Variants in RERE observed in about 807,000 individuals in gnomAD.
The protein encoded by RERE is arginine-glutamic acid dipeptide repeats protein.
RERE carries 40 observed loss-of-function variants against 146.1 expected under a neutral mutation model. The observed-to-expected ratio is 0.27, with a 90% CI of 0.21 to 0.36. RERE has a LOEUF of 0.36. RERE is among the 10% of genes least tolerant of loss of function. The pLI, the probability that RERE is intolerant of heterozygous loss-of-function variation, is 1.00. For missense variants in RERE, 1,933 were observed against 2,138.7 expected (o/e 0.90, Z 1.90); for synonymous variants, 1,003 against 866.0 (o/e 1.16, Z -2.78).
At chr1:8,720,344 G>A (rs1457711559) in intron 1 of RERE, among the ~76,000 whole-genome samples, 3 of 151,544 alleles carry the variant, frequency 2.0e-5, no homozygotes, top group Non-Finnish European at 2.9e-5. Flanking sequence ...GACCTCAAGG[G>A]GTTTACATTC....
chr1:8,651,982 A>T (rs777302617), intron 2 of RERE, among the ~76,000 whole-genome samples: 29 of 152,154 alleles, frequency 1.9e-4, no homozygotes, highest in Non-Finnish European at 3.7e-4. Flanking sequence ...TGCCCAGCCC[A>T]GCACCCTACT....
rs1399332568 is a variant in RERE, at chr1:8,527,015, G to C, written c.830+14199C>G. On this transcript the variant is annotated intron_variant, in intron 7 of 22. Transcript: ENST00000400908. ...AGTGCCAATTCTGTTTCCCAGAAATGTAATGGAATGTCAGGAAATTAAAGC... is the reference window on the plus strand; with the variant it reads ...AGTGCCAATTCTGTTTCCCAGAAATCTAATGGAATGTCAGGAAATTAAAGC... 4.6e-5 allele frequency among the ~76,000 whole-genome samples: 7 copies of C among 152,210 alleles called. No individual in the cohort carries two copies. In the East Asian group the frequency reaches 1.3e-3, roughly 29 times the overall value.
chr1:8,604,442 A>AGGCAGAGGCCTCTGAAAGGAG (rs559201025), intron 4 of RERE, among the ~76,000 whole-genome samples: 5,456 of 152,092 alleles, frequency 0.036, 121 homozygotes, highest in Middle Eastern at 0.085. Flanking sequence ...GAAAAGGATG[A>AGGCAGAGGCCTCTGAAAGGAG]GGCAGAGGCC....
At chr1:8,788,824 C>A (rs936717941) in intron 1 of RERE, among the ~76,000 whole-genome samples, 1 of 151,884 alleles carries the variant, frequency 6.6e-6, no homozygotes, top group African/African-American at 2.4e-5. Context: ...GCTTTCAGAG[C>A]ACACAGGGTA....
At chr1:8,643,081 A>C (rs1011706785) in intron 2 of RERE, among the ~76,000 whole-genome samples, 2 of 152,208 alleles carry the variant, frequency 1.3e-5, no homozygotes, top group Non-Finnish European at 2.9e-5. Context: ...ACAGAAATGG[A>C]AATGGAAGAT....
At chr1:8,420,238 T>C (rs1467345413) in intron 12 of RERE, among the ~76,000 whole-genome samples, 3 of 152,104 alleles carry the variant, frequency 2.0e-5, no homozygotes, top group African/African-American at 7.2e-5. Context: ...GAGGATCACT[T>C]GAGCCCAGGA....
chr1:8,748,197 C>T (rs1049534072), intron 1 of RERE, among the ~76,000 whole-genome samples: 2 of 152,162 alleles, frequency 1.3e-5, no homozygotes, highest in Non-Finnish European at 2.9e-5. Context: ...GATAACGAAA[C>T]TAAGCTCAGA....
chr1:8,660,183 T>G lies in RERE; in HGVS notation c.-144-3742A>C, dbSNP rs1271494383. On this transcript the variant is annotated intron_variant, in intron 1 of 22. Coordinates refer to ENST00000400908, the MANE Select transcript of RERE (RefSeq NM_001042681.2). ...AAGTCAATCCAATTACCATTTACAT[T>G]TGGCTCTAAAATACAGCTCAATGGG... Among the ~76,000 whole-genome samples, 3 of 152,180 alleles carry G rather than the reference T, an allele frequency of 2.0e-5. No individual in the cohort carries two copies. In the East Asian group the frequency reaches 5.8e-4, roughly 29 times the overall value.
At chr1:8,461,924 A>G (rs770117679) in intron 11 of RERE, among the ~76,000 whole-genome samples, 15 of 152,154 alleles carry the variant, frequency 9.9e-5, no homozygotes, top group Non-Finnish European at 1.8e-4. Flanking sequence ...GGCTCACTGC[A>G]GCCTCTAACC....
chr1:8,535,964 G>A (rs2124379562), intron 7 of RERE, among the ~76,000 whole-genome samples: 2 of 152,052 alleles, frequency 1.3e-5, no homozygotes, highest in South Asian at 4.1e-4. Flanking sequence ...AAATTAGCTG[G>A]GAGTGGTGGC....
chr1:8,541,784 A>G (rs1000145685), intron 6 of RERE, among the ~76,000 whole-genome samples: 1 of 152,222 alleles, frequency 6.6e-6, no homozygotes, highest in African/African-American at 2.4e-5. Context: ...TCTGGCCAAT[A>G]AACATTTTTC....
chr1:8,550,996 T>C (rs771615712), intron 6 of RERE, among the ~76,000 whole-genome samples: 7 of 152,230 alleles, frequency 4.6e-5, no homozygotes, highest in Non-Finnish European at 1.0e-4. Context: ...AGAAACAGAC[T>C]GGAAGCCTCA....
chr1:8,679,831 A>G (rs766077658), intron 1 of RERE, among the ~76,000 whole-genome samples: 10 of 152,340 alleles, frequency 6.6e-5, no homozygotes, highest in South Asian at 6.2e-4. Flanking sequence ...AATGATTGAA[A>G]TATCTCCAAG....
At chr1:8,466,321 C>A (rs144042003) in intron 10 of RERE, among the ~76,000 whole-genome samples, 92 of 152,256 alleles carry the variant, frequency 6.0e-4, no homozygotes, top group African/African-American at 2.1e-3. Context: ...TTTGGCCCCG[C>A]CCAGTGCTCA....
At chr1:8,676,003 A>T (rs377052058) in intron 1 of RERE, among the ~76,000 whole-genome samples, 1 of 152,144 alleles carries the variant, frequency 6.6e-6, no homozygotes, top group East Asian at 1.9e-4. Flanking sequence ...TGGATTTGAG[A>T]TCCTCAACTT....
Position 8,556,436 on chromosome 1 carries a change from C to T in RERE, c.725+39G>A, listed in dbSNP as rs765589823. Reference sequence around the variant, plus strand: ...ACTCTCCACCTCCTGCACTCAGTGACTCCTCCTTCACATGGAAGAGCACGT... The same window carrying T: ...ACTCTCCACCTCCTGCACTCAGTGATTCCTCCTTCACATGGAAGAGCACGT... On this transcript the variant is annotated intron_variant, in intron 6 of 22. Transcript: ENST00000400908. 3 of 1,177,386 alleles carry T rather than the reference C, an allele frequency of 2.5e-6. No individual in the cohort carries two copies. The African/African-American group carries it at 4.5e-5, about 18-fold the overall frequency. 72.9% of individuals were successfully genotyped at this position (1,177,386 alleles called of 1,614,324 possible).
intron 4 of RERE, among the ~76,000 whole-genome samples, chr1:8,606,946 G>A (rs1646719048): frequency 6.6e-6 from 1 of 152,228 alleles, no homozygotes; most frequent in East Asian, 1.9e-4. Context: ...AATTTATATA[G>A]ACTCTAAAAA....
chr1:8,539,536 G>C (rs1645771964), intron 7 of RERE, among the ~76,000 whole-genome samples: 1 of 152,056 alleles, frequency 6.6e-6, no homozygotes, highest in African/African-American at 2.4e-5. Context: ...CTCCAGAGAA[G>C]CTGGGATTAA....
At chr1:8,515,987 T>C (rs1490893093) in intron 7 of RERE, among the ~76,000 whole-genome samples, 4 of 151,784 alleles carry the variant, frequency 2.6e-5, no homozygotes, top group Non-Finnish European at 4.4e-5. Flanking sequence ...GAGGCTGAGG[T>C]GGGCAGGTTA....
Sources: allele counts gnomAD v4.1 joint callset (sites outside exome capture counted in the v4.1 genomes callset), GRCh38; gene constraint gnomAD v4.1.1; transcripts MANE v1.5; gene names NCBI Gene and HGNC (gene_info 2026-07-23, HGNC 2026-07-21).